TFEC: variants seen among roughly 807,000 people sequenced by gnomAD.
The protein encoded by TFEC is class E basic helix-loop-helix protein 34.
Under a neutral mutation model 41.6 loss-of-function variants are expected in TFEC, and 31 were observed. That is an observed-to-expected ratio of 0.74 (90% confidence interval 0.56 to 1.01). The LOEUF (loss-of-function observed/expected upper bound fraction) is 1.01. Among genes scored for constraint, TFEC ranks in the 50% least tolerant of loss-of-function variants. TFEC has a pLI of 0.00. For missense variants in TFEC, 402 were observed against 404.1 expected (o/e 0.99, Z 0.04); for synonymous variants, 143 against 140.6 (o/e 1.02, Z -0.12).
intron 1 of TFEC, among the ~76,000 whole-genome samples, chr7:116,019,996 C>T (rs1795332581): frequency 6.6e-6 from 1 of 152,130 alleles, no homozygotes; most frequent in Non-Finnish European, 1.5e-5. Flanking sequence ...CTAATAATTA[C>T]TGAAAGTTTG....
intron 1 of TFEC, among the ~76,000 whole-genome samples, chr7:115,998,981 A>G (rs1794480703): frequency 6.6e-6 from 1 of 152,002 alleles, no homozygotes. Context: ...TAAACCAAAT[A>G]AACCTAATAG....
chr7:116,010,185 A>T (rs978246871), intron 1 of TFEC, among the ~76,000 whole-genome samples: 1 of 152,218 alleles, frequency 6.6e-6, no homozygotes, highest in African/African-American at 2.4e-5. Flanking sequence ...TAGTAGGGCC[A>T]GCCCATGCAA....
intron 3 of TFEC, among the ~76,000 whole-genome samples, chr7:116,049,406 G>T (rs1019909220): frequency 1.3e-5 from 2 of 152,184 alleles, no homozygotes; most frequent in African/African-American, 4.8e-5. Flanking sequence ...ATGGTAAAGG[G>T]ATCAATTCAA....
chr7:116,100,528 C>A (rs1215053476), intron 3 of TFEC, among the ~76,000 whole-genome samples: 1 of 151,826 alleles, frequency 6.6e-6, no homozygotes. Flanking sequence ...AGAAATTTTC[C>A]CCATAGTGTA....
intron 1 of TFEC, among the ~76,000 whole-genome samples, chr7:115,992,386 A>ATTT: frequency 6.6e-6 from 1 of 152,348 alleles, no homozygotes; most frequent in Admixed American, 6.5e-5. Flanking sequence ...TAGAGACACC[A>ATTT]AAAGCCCTTC....
chr7:116,128,616 T>C (rs1208260156), intron 1 of TFEC, among the ~76,000 whole-genome samples: 1 of 152,192 alleles, frequency 6.6e-6, no homozygotes, highest in East Asian at 1.9e-4. Flanking sequence ...GTATGATCAT[T>C]TGATCTGCAC....
intron 1 of TFEC, among the ~76,000 whole-genome samples, chr7:116,015,493 C>T (rs1367393763): frequency 6.6e-6 from 1 of 151,982 alleles, no homozygotes; most frequent in East Asian, 1.9e-4. Flanking sequence ...CTTACAGCCC[C>T]GATGACACAC....
chr7:116,151,578 T>C (rs1169922994), intron 1 of TFEC, among the ~76,000 whole-genome samples: 1 of 152,182 alleles, frequency 6.6e-6, no homozygotes, highest in Non-Finnish European at 1.5e-5. Flanking sequence ...AGTTGGATTT[T>C]TCTTCTCCTT....
intron 3 of TFEC, among the ~76,000 whole-genome samples, chr7:116,109,459 A>G (rs1475967812): frequency 6.6e-6 from 1 of 152,252 alleles, no homozygotes; most frequent in Non-Finnish European, 1.5e-5. Context: ...TGCAGTCAAC[A>G]GACACATCAA....
intron 1 of TFEC, among the ~76,000 whole-genome samples, chr7:116,016,697 T>C (rs771401810): frequency 2.0e-5 from 3 of 151,794 alleles, no homozygotes; most frequent in Non-Finnish European, 4.4e-5. Context: ...TAATATATAG[T>C]ATATTGGATA....
intron 3 of TFEC, among the ~76,000 whole-genome samples, chr7:116,080,772 C>T (rs1365172555): frequency 2.6e-5 from 4 of 152,076 alleles, no homozygotes; most frequent in African/African-American, 4.8e-5. Flanking sequence ...CTATGAAAAA[C>T]AGTGTGGAGA....
chr7:116,089,767 G>A (rs1797282554), intron 3 of TFEC, among the ~76,000 whole-genome samples: 1 of 152,152 alleles, frequency 6.6e-6, no homozygotes, highest in Admixed American at 6.6e-5. Flanking sequence ...ACTGGGCTTT[G>A]AGGACAGGTA....
chr7:116,015,341 G>T (rs111632034), intron 1 of TFEC, among the ~76,000 whole-genome samples: 1 of 151,978 alleles, frequency 6.6e-6, no homozygotes, highest in Non-Finnish European at 1.5e-5. Context: ...AATAGTAGAA[G>T]TTATAAAGGA....
chr7:116,004,973 C>T (rs750135352), intron 1 of TFEC, among the ~76,000 whole-genome samples: 6 of 152,066 alleles, frequency 3.9e-5, no homozygotes, highest in African/African-American at 9.7e-5. Context: ...TGAGACCTGA[C>T]GGTTTCATAA....
At chr7:116,077,655 G>T (rs1796991180) in intron 3 of TFEC, among the ~76,000 whole-genome samples, 1 of 151,960 alleles carries the variant, frequency 6.6e-6, no homozygotes, top group East Asian at 1.9e-4. Flanking sequence ...AAACCTTAAA[G>T]CAATAGCAGT....
intron 3 of TFEC, among the ~76,000 whole-genome samples, chr7:115,969,005 A>G (rs996327546): frequency 4.3e-4 from 66 of 151,882 alleles, no homozygotes; most frequent in African/African-American, 1.6e-3. Context: ...CATGGTAGCT[A>G]TTATTATTGT....
intron 3 of TFEC, among the ~76,000 whole-genome samples, chr7:115,965,588 G>C (rs1357078632): frequency 1.3e-5 from 2 of 151,596 alleles, no homozygotes; most frequent in African/African-American, 2.4e-5. Context: ...AGAAAAGACA[G>C]TGAAACTTTT....
At chr7:116,155,338 C>T (rs557545109) in intron 1 of TFEC, among the ~76,000 whole-genome samples, 1 of 152,274 alleles carries the variant, frequency 6.6e-6, no homozygotes, top group East Asian at 1.9e-4. Context: ...TCAAACATCA[C>T]GTTTATTTAA....
chr7:115,987,027 T>A (rs878900675), intron 1 of TFEC, among the ~76,000 whole-genome samples: 2 of 152,152 alleles, frequency 1.3e-5, no homozygotes, highest in Admixed American at 1.3e-4. Flanking sequence ...CACAGATACT[T>A]TTCTCAAAGC....
Sources: allele counts gnomAD v4.1 joint callset (sites outside exome capture counted in the v4.1 genomes callset), GRCh38; gene constraint gnomAD v4.1.1; transcripts MANE v1.5; gene names NCBI Gene and HGNC (gene_info 2026-07-23, HGNC 2026-07-21).